UBE3D: variants seen among roughly 807,000 people sequenced by gnomAD.
The protein encoded by UBE3D is E3 ubiquitin-protein ligase E3D.
UBE3D carries 48 observed loss-of-function variants against 49.6 expected under a neutral mutation model. The observed-to-expected ratio is 0.97, with a 90% CI of 0.77 to 1.23. UBE3D has a LOEUF of 1.23. Among genes scored for constraint, UBE3D ranks in the 50% most tolerant of loss-of-function variants. UBE3D has a pLI of 0.00. For synonymous variants in UBE3D, 189 were observed against 174.2 expected, an observed-to-expected ratio of 1.08 and a Z score of -0.67; for missense variants, 452 against 468.4, an observed-to-expected ratio of 0.96 and a Z score of 0.32.
At chr6:82,881,284 T>C in the UBE3D span, among the ~76,000 whole-genome samples, 6 of 152,068 alleles carry the variant, frequency 3.9e-5, no homozygotes, top group African/African-American at 7.2e-5. Flanking sequence ...TAGGAGGATG[T>C]AGGGAGAAAG....
chr6:83,020,601 G>A (rs146862526), intron 7 of UBE3D, among the ~76,000 whole-genome samples: 127 of 152,188 alleles, frequency 8.3e-4, no homozygotes, highest in African/African-American at 2.9e-3. Flanking sequence ...TCCTACTCCC[G>A]ATCTTCAATC....
At chr6:82,989,611 G>A (rs181160266) in intron 8 of UBE3D, among the ~76,000 whole-genome samples, 42 of 152,224 alleles carry the variant, frequency 2.8e-4, no homozygotes, top group African/African-American at 8.7e-4. Flanking sequence ...AGACATGGCT[G>A]TATTTCATTA....
chr6:82,960,674 T>C (rs910639478), intron 8 of UBE3D, among the ~76,000 whole-genome samples: 1 of 151,970 alleles, frequency 6.6e-6, no homozygotes, highest in Non-Finnish European at 1.5e-5. Flanking sequence ...GATACGTCTA[T>C]GTCTCTAATT....
At chr6:82,935,542 A>G (rs1389606642) in intron 9 of UBE3D, among the ~76,000 whole-genome samples, 1 of 152,208 alleles carries the variant, frequency 6.6e-6, no homozygotes, top group Non-Finnish European at 1.5e-5. Context: ...AGAACTACTT[A>G]AAGACAGGAG....
intron 8 of UBE3D, among the ~76,000 whole-genome samples, chr6:82,982,252 T>G (rs890760515): frequency 6.6e-6 from 1 of 152,192 alleles, no homozygotes; most frequent in Non-Finnish European, 1.5e-5. Flanking sequence ...TCATCTATTA[T>G]ACATAATACT....
intron 9 of UBE3D, among the ~76,000 whole-genome samples, chr6:82,929,859 C>T (rs1582379069): frequency 2.0e-5 from 3 of 152,156 alleles, no homozygotes; most frequent in Non-Finnish European, 4.4e-5. Context: ...CAGAACAGTA[C>T]ATTTATTACA....
rs546864137 is a variant in UBE3D at position 83,019,261 on chromosome 6, A to G, written c.847-125T>C. On this transcript the variant is annotated intron_variant, in intron 7 of 9. Coordinates refer to ENST00000369747, the MANE Select transcript of UBE3D (RefSeq NM_198920.3). ...AAAAATAAATATGAGAATCATGTACATAATTTTAAAGTTGGGTAGGCCTTT... is the reference window on the plus strand; with the variant it reads ...AAAAATAAATATGAGAATCATGTACGTAATTTTAAAGTTGGGTAGGCCTTT... 30 of 922,432 alleles carry G rather than the reference A, an allele frequency of 3.3e-5. No individual in the cohort carries two copies. The African/African-American group carries it at 4.8e-4, about 15-fold the overall frequency. The allele number at this position is 922,432 out of a possible 1,614,324, so 57.1% of individuals were successfully genotyped here.
chr6:82,957,996 G>A (rs1460189579), intron 8 of UBE3D, among the ~76,000 whole-genome samples: 4 of 152,118 alleles, frequency 2.6e-5, no homozygotes, highest in Admixed American at 6.5e-5. Flanking sequence ...AAATAAAAGC[G>A]AAGCTGCTCT....
chr6:82,955,455 T>A (rs12193435), intron 9 of UBE3D, among the ~76,000 whole-genome samples: 24,360 of 152,042 alleles, frequency 0.16, 1,997 homozygotes, highest in South Asian at 0.17. Context: ...GAGTGAAATA[T>A]AAAACTATTG....
chr6:82,888,413 A>G (rs1770927759), downstream of UBE3D, among the ~76,000 whole-genome samples: 1 of 152,094 alleles, frequency 6.6e-6, no homozygotes, highest in South Asian at 2.1e-4. Flanking sequence ...AATAAGTAAT[A>G]AAATAGAAAA....
intron 1 of UBE3D, among the ~76,000 whole-genome samples, chr6:83,060,038 A>G (rs1359964450): frequency 6.6e-6 from 1 of 152,178 alleles, no homozygotes; most frequent in Non-Finnish European, 1.5e-5. Context: ...CTTCCTCTTC[A>G]TATAAGGACA....
chr6:83,028,288 C>G (rs1047358874), intron 5 of UBE3D, among the ~76,000 whole-genome samples: 2 of 152,086 alleles, frequency 1.3e-5, no homozygotes, highest in Non-Finnish European at 1.5e-5. Context: ...GCCTATTTAT[C>G]TTTGGTTGCA....
At chr6:83,049,038 T>A (rs1783277377) in intron 3 of UBE3D, among the ~76,000 whole-genome samples, 1 of 152,210 alleles carries the variant, frequency 6.6e-6, no homozygotes, top group Non-Finnish European at 1.5e-5. Flanking sequence ...ATTTTTAATG[T>A]ACCATGAGCA....
intron 9 of UBE3D, among the ~76,000 whole-genome samples, chr6:82,930,779 A>G (rs1774083855): frequency 6.6e-6 from 1 of 152,332 alleles, no homozygotes; most frequent in East Asian, 1.9e-4. Flanking sequence ...CAGGAAGCAG[A>G]GCATAAAAGT....
At chr6:83,049,477 T>TA (rs1315186083) in intron 3 of UBE3D, among the ~76,000 whole-genome samples, 1 of 152,254 alleles carries the variant, frequency 6.6e-6, no homozygotes, top group African/African-American at 2.4e-5. Flanking sequence ...TGTACAGTGT[T>TA]ACCAATAGTG....
chr6:82,930,792 A>T (rs926478352), intron 9 of UBE3D, among the ~76,000 whole-genome samples: 1 of 152,200 alleles, frequency 6.6e-6, no homozygotes, highest in Non-Finnish European at 1.5e-5. Context: ...ATAAAAGTTT[A>T]AAAAATTTGC....
At chr6:83,002,518 C>T (rs1779702113) in intron 8 of UBE3D, among the ~76,000 whole-genome samples, 1 of 152,210 alleles carries the variant, frequency 6.6e-6, no homozygotes, top group Admixed American at 6.5e-5. Flanking sequence ...AACCTCGTCT[C>T]TACTAAAAAT....
At chr6:82,889,369 C>T (rs1770941091), downstream of UBE3D, among the ~76,000 whole-genome samples, 1 of 152,234 alleles carries the variant, frequency 6.6e-6, no homozygotes, top group African/African-American at 2.4e-5. Flanking sequence ...AAAAGGCCTG[C>T]ACAAGGCCAG....
chr6:83,056,393 T>C (rs1438668634), intron 2 of UBE3D, among the ~76,000 whole-genome samples: 2 of 152,172 alleles, frequency 1.3e-5, no homozygotes, highest in Non-Finnish European at 2.9e-5. Context: ...GAGAAGGTGA[T>C]GACAACACAA....
Sources: allele counts gnomAD v4.1 joint callset (sites outside exome capture counted in the v4.1 genomes callset), GRCh38; gene constraint gnomAD v4.1.1; transcripts MANE v1.5; gene names NCBI Gene and HGNC (gene_info 2026-07-23, HGNC 2026-07-21).